ZSWIM5: variants seen among roughly 807,000 people sequenced by gnomAD.
ZSWIM5 encodes the protein zinc finger SWIM domain-containing protein 5.
ZSWIM5 carries 55 observed loss-of-function variants against 119.6 expected under a neutral mutation model. The ratio of observed to expected loss-of-function variants is 0.46; its 90% CI spans 0.37 to 0.58. ZSWIM5 has a LOEUF of 0.58. Among genes scored for constraint, ZSWIM5 ranks in the 20% least tolerant of loss-of-function variants. The pLI is 0.00. For missense variants in ZSWIM5, 1,193 were observed against 1,512.8 expected, an observed-to-expected ratio of 0.79 and a Z score of 3.51; for synonymous variants, 537 against 606.9, an observed-to-expected ratio of 0.88 and a Z score of 1.69.
At chr1:45,143,044 T>C (rs1368922126) in intron 1 of ZSWIM5, among the ~76,000 whole-genome samples, 1 of 149,112 alleles carries the variant, frequency 6.7e-6, no homozygotes, top group Non-Finnish European at 1.5e-5. Context: ...GTGTGGTGCA[T>C]GCCTATGGTC....
At chr1:45,071,454 C>CTTTTTTTTTTTTTTTTT (rs58028758) in intron 2 of ZSWIM5, among the ~76,000 whole-genome samples, 1 of 93,754 alleles carries the variant, frequency 1.1e-5, no homozygotes, top group Non-Finnish European at 2.0e-5. Flanking sequence ...GACAGAATCT[C>CTTTTTTTTTTTTTTTTT]TTTTTTTTTT....
intron 6 of ZSWIM5, among the ~76,000 whole-genome samples, chr1:45,042,322 A>C (rs775623754): frequency 6.6e-6 from 1 of 152,220 alleles, no homozygotes; most frequent in Non-Finnish European, 1.5e-5. Flanking sequence ...CCATTTGAAA[A>C]TCAAAAAATG....
intron 5 of ZSWIM5, among the ~76,000 whole-genome samples, chr1:45,046,371 A>G (rs1318523523): frequency 6.6e-6 from 1 of 152,172 alleles, no homozygotes. Context: ...TGGATTCTGG[A>G]TATATTTCAA....
At chr1:45,037,916 A>G (rs1570006479) in intron 8 of ZSWIM5, among the ~76,000 whole-genome samples, 1 of 152,184 alleles carries the variant, frequency 6.6e-6, no homozygotes, top group South Asian at 2.1e-4. Flanking sequence ...CATCTATCTA[A>G]TAAGTATTTA....
intron 1 of ZSWIM5, among the ~76,000 whole-genome samples, chr1:45,123,093 A>G (rs926888285): frequency 6.6e-6 from 1 of 152,232 alleles, no homozygotes; most frequent in Non-Finnish European, 1.5e-5. Flanking sequence ...CCACCTAGCA[A>G]TAATGAGGCT....
chr1:45,171,285 A>G (rs994909428), intron 1 of ZSWIM5, among the ~76,000 whole-genome samples: 3 of 152,106 alleles, frequency 2.0e-5, no homozygotes, highest in African/African-American at 7.2e-5. Context: ...TACAAACGCC[A>G]AATACATTCC....
chr1:45,049,485 T>C (rs996785518), intron 5 of ZSWIM5, among the ~76,000 whole-genome samples: 3 of 152,072 alleles, frequency 2.0e-5, no homozygotes, highest in African/African-American at 7.2e-5. Context: ...AAAGGAGAGC[T>C]AACAACAACA....
At chr1:45,184,599 C>T (rs1329597993) in intron 1 of ZSWIM5, among the ~76,000 whole-genome samples, 1 of 152,040 alleles carries the variant, frequency 6.6e-6, no homozygotes, top group East Asian at 1.9e-4. Flanking sequence ...TTCTTACACA[C>T]CAATAACAGA....
At chr1:45,133,913 A>G (rs1645674205) in intron 1 of ZSWIM5, among the ~76,000 whole-genome samples, 1 of 151,968 alleles carries the variant, frequency 6.6e-6, no homozygotes, top group African/African-American at 2.4e-5. Flanking sequence ...CAAAGATCAG[A>G]TGGTTGTAGA....
At chr1:45,157,361 A>C (rs1341515269) in intron 1 of ZSWIM5, among the ~76,000 whole-genome samples, 1 of 152,208 alleles carries the variant, frequency 6.6e-6, no homozygotes, top group South Asian at 2.1e-4. Flanking sequence ...TTGCTGGTAG[A>C]GACAAGGTCT....
rs180741600 is a variant in ZSWIM5 at position 45,172,183 on chromosome 1, G to A, written c.595+33573C>T. Among the ~76,000 whole-genome samples the A allele has an allele frequency of 4.6e-5, 7 of 152,128 alleles. No homozygotes were observed. In the East Asian group the frequency reaches 1.4e-3, roughly 29 times the overall value. ...TGTTAGAACCAAAATGTGACTCACG[G>A]TTGCGAAACTAAACAAACATGATTC... On this transcript the variant is annotated intron_variant, in intron 1 of 13. Transcript: ENST00000359600.
chr1:45,151,305 T>C (rs945472984), intron 1 of ZSWIM5, among the ~76,000 whole-genome samples: 2 of 151,984 alleles, frequency 1.3e-5, no homozygotes, highest in Non-Finnish European at 2.9e-5. Context: ...AGGGCTGAGA[T>C]AAAAGTCTGT....
chr1:45,020,454 G>C (rs1644881207), intron 12 of ZSWIM5, among the ~76,000 whole-genome samples, 171 bp downstream of exon 12: 1 of 152,230 alleles, frequency 6.6e-6, no homozygotes, highest in Non-Finnish European at 1.5e-5. Flanking sequence ...TAACTTAAAA[G>C]TGGAGCCCAA....
chr1:45,159,595 A>T (rs769216376), intron 1 of ZSWIM5, among the ~76,000 whole-genome samples: 8 of 151,880 alleles, frequency 5.3e-5, no homozygotes, highest in Non-Finnish European at 1.0e-4. Context: ...ATTATGATTC[A>T]ATTTTTTTTT....
At chr1:45,062,331 C>A (rs144810181) in intron 2 of ZSWIM5, among the ~76,000 whole-genome samples, 1 of 152,058 alleles carries the variant, frequency 6.6e-6, no homozygotes, top group Non-Finnish European at 1.5e-5. Flanking sequence ...TGGGTCAGCA[C>A]AACAAAGCTA....
At chr1:45,035,535 A>G (rs777280730) in intron 10 of ZSWIM5, among the ~76,000 whole-genome samples, 153 bp downstream of exon 10, 28 of 152,250 alleles carry the variant, frequency 1.8e-4, no homozygotes, top group Admixed American at 5.9e-4. Context: ...CCTAGATCAT[A>G]TAAAAATATC....
intron 1 of ZSWIM5, among the ~76,000 whole-genome samples, chr1:45,137,692 AAGGAGGACATTATGATTGGTGC>A (rs1436427816): frequency 2.0e-5 from 3 of 152,176 alleles, no homozygotes; most frequent in Admixed American, 6.5e-5. Flanking sequence ...AAAGAATAGC[AAGGAGGACATTATGATTGGTGC>A]AGGATGAGCT....
At chr1:45,104,682 A>G (rs1645459290) in intron 1 of ZSWIM5, among the ~76,000 whole-genome samples, 2 of 152,190 alleles carry the variant, frequency 1.3e-5, no homozygotes, top group South Asian at 4.1e-4. Context: ...GTTTGTTTGT[A>G]TTATAGAGGT....
chr1:45,199,156 G>A (rs1646143166), intron 1 of ZSWIM5, among the ~76,000 whole-genome samples: 2 of 151,738 alleles, frequency 1.3e-5, no homozygotes, highest in Admixed American at 1.3e-4. Context: ...CCATTTTAGT[G>A]TGTGTGTAAT....
Sources: allele counts gnomAD v4.1 joint callset (sites outside exome capture counted in the v4.1 genomes callset), GRCh38; gene constraint gnomAD v4.1.1; transcripts MANE v1.5; gene names NCBI Gene and HGNC (gene_info 2026-07-23, HGNC 2026-07-21).